Variants in TMCO4 observed in about 807,000 individuals in gnomAD.
TMCO4 encodes the protein transmembrane and coiled-coil domains 4.
A neutral mutation model predicts 64.7 loss-of-function variants in TMCO4; 58 were observed. The observed-to-expected ratio is 0.90, with a 90% confidence interval of 0.73 to 1.12. The LOEUF (loss-of-function observed/expected upper bound fraction) is 1.12. Among genes scored for constraint, TMCO4 ranks in the 50% most tolerant of loss-of-function variants. The pLI, the probability that TMCO4 is intolerant of heterozygous loss-of-function variation, is 0.00. For synonymous variants in TMCO4, 325 were observed against 346.1 expected, an observed-to-expected ratio of 0.94 and a Z score of 0.68; for missense variants, 780 against 825.9, an observed-to-expected ratio of 0.94 and a Z score of 0.68.
At chr1:19,704,660 C>A (rs1271134197) in intron 13 of TMCO4, among the ~76,000 whole-genome samples, 3 of 152,230 alleles carry the variant, frequency 2.0e-5, no homozygotes, top group Non-Finnish European at 4.4e-5. Flanking sequence ...GTCTGCCCTG[C>A]TAAGAGCTGG....
At chr1:19,712,019 A>T (rs936558719) in intron 13 of TMCO4, among the ~76,000 whole-genome samples, 1 of 150,608 alleles carries the variant, frequency 6.6e-6, no homozygotes, top group African/African-American at 2.5e-5. Context: ...CTGGTCTCAC[A>T]CTCCTTGGCT....
intron 14 of TMCO4, among the ~76,000 whole-genome samples, chr1:19,695,040 T>C (rs920754642): frequency 2.6e-5 from 4 of 152,182 alleles, no homozygotes; most frequent in Non-Finnish European, 2.9e-5. Context: ...AGGCGACCTA[T>C]CTGTGAGCTG....
intron 6 of TMCO4, among the ~76,000 whole-genome samples, chr1:19,756,775 T>C (rs1441171257): frequency 6.6e-6 from 1 of 152,152 alleles, no homozygotes; most frequent in East Asian, 1.9e-4. Context: ...GAGGATCACT[T>C]GAGCGCAGGA....
intron 2 of TMCO4, among the ~76,000 whole-genome samples, chr1:19,794,788 T>C (rs1326368759): frequency 1.3e-5 from 2 of 152,174 alleles, no homozygotes; most frequent in African/African-American, 4.8e-5. Flanking sequence ...ATATGATATA[T>C]ACACACAGTG....
intron 15 of TMCO4, among the ~76,000 whole-genome samples, chr1:19,691,953 T>G (rs2095198518): frequency 6.6e-6 from 1 of 152,222 alleles, no homozygotes. Flanking sequence ...TTCTCTGTCT[T>G]GCCTGCTGCC....
intron 15 of TMCO4, among the ~76,000 whole-genome samples, chr1:19,685,497 T>C (rs2095139690): frequency 6.6e-6 from 1 of 152,178 alleles, no homozygotes; most frequent in Non-Finnish European, 1.5e-5. Context: ...GGGGTGTGAT[T>C]GAAATGCCTG....
At chr1:19,762,296 C>T (rs912116184) in intron 6 of TMCO4, among the ~76,000 whole-genome samples, 3 of 152,152 alleles carry the variant, frequency 2.0e-5, no homozygotes, top group Admixed American at 2.0e-4. Flanking sequence ...CACAGGCACA[C>T]CTAAAAGTTA....
At chr1:19,751,148 T>C (rs576286777) in intron 7 of TMCO4, among the ~76,000 whole-genome samples, 2 of 152,304 alleles carry the variant, frequency 1.3e-5, no homozygotes, top group South Asian at 2.1e-4. Flanking sequence ...GCCCTGGGCT[T>C]GGAAACTGGA....
intron 14 of TMCO4, among the ~76,000 whole-genome samples, chr1:19,699,219 A>G (rs528347010): frequency 6.6e-6 from 1 of 151,696 alleles, no homozygotes; most frequent in Non-Finnish European, 1.5e-5. Flanking sequence ...GGCATGTGCT[A>G]TGTGAGTATG....
At chr1:19,789,139 C>T (rs1036638320) in intron 2 of TMCO4, among the ~76,000 whole-genome samples, 2 of 151,544 alleles carry the variant, frequency 1.3e-5, no homozygotes, top group Admixed American at 6.6e-5. Context: ...TAGTGGCTCA[C>T]GCCTGTAATC....
intron 8 of TMCO4, among the ~76,000 whole-genome samples, chr1:19,746,954 G>A (rs189772850): frequency 9.1e-5 from 13 of 142,762 alleles, no homozygotes; most frequent in African/African-American, 3.4e-4. Flanking sequence ...AACGTGGCTT[G>A]ATGAGTTTTT....
chr1:19,788,021 T>A (rs1235990328), intron 2 of TMCO4, among the ~76,000 whole-genome samples: 1 of 152,204 alleles, frequency 6.6e-6, no homozygotes, highest in East Asian at 1.9e-4. Context: ...CCTCCCAAAG[T>A]GCTAGGATTA....
intron 13 of TMCO4, among the ~76,000 whole-genome samples, chr1:19,705,028 G>A (rs548860309): frequency 6.6e-6 from 1 of 152,246 alleles, no homozygotes; most frequent in South Asian, 2.1e-4. Flanking sequence ...GATAAGCTAC[G>A]TGGCAGGCTC....
chr1:19,798,570 C>T (rs1385450725), intron 1 of TMCO4, among the ~76,000 whole-genome samples: 1 of 152,234 alleles, frequency 6.6e-6, no homozygotes, highest in Non-Finnish European at 1.5e-5. Flanking sequence ...ATTTAACTTG[C>T]CTGATCCCAC....
At chr1:19,709,821 T>C (rs2095322339) in intron 13 of TMCO4, among the ~76,000 whole-genome samples, 1 of 151,206 alleles carries the variant, frequency 6.6e-6, no homozygotes, top group Non-Finnish European at 1.5e-5. Flanking sequence ...AGAATCTCGC[T>C]CTTGTTGCCC....
intron 13 of TMCO4, among the ~76,000 whole-genome samples, chr1:19,708,290 C>T (rs911206583): frequency 6.6e-6 from 1 of 151,824 alleles, no homozygotes; most frequent in African/African-American, 2.4e-5. Flanking sequence ...TTGTGAATTG[C>T]TCTTGTCATG....
At chr1:19,717,380 G>C (rs1309494340) in intron 13 of TMCO4, among the ~76,000 whole-genome samples, 7 of 152,132 alleles carry the variant, frequency 4.6e-5, no homozygotes, top group Admixed American at 3.9e-4. Context: ...GCCCTGCACA[G>C]GTCCTGGGAT....
rs138213661 is a variant in TMCO4 at position 19,737,120 on chromosome 1, A to G, written c.1264+252T>C. Among the ~76,000 whole-genome samples the G allele has an allele frequency of 6.8e-3, 1,036 of 152,350 alleles. 21 individuals are homozygous for G. The highest frequency in any genetic ancestry group is 0.023 in the African/African-American group (975 of 41,586). On this transcript the variant is annotated intron_variant, in intron 13 of 15. Transcript: ENST00000294543. ...CCTTCATTCCCACTTGGGAAAGTGC[A>G]TTAGAACACAAAAGCCAGTGTCATT...
At chr1:19,727,507 T>G (rs1409416516) in intron 13 of TMCO4, among the ~76,000 whole-genome samples, 1 of 152,256 alleles carries the variant, frequency 6.6e-6, no homozygotes, top group Non-Finnish European at 1.5e-5. Context: ...CCTAGTCTAG[T>G]GCTTAGCACA....
Sources: gnomAD v4.1 joint callset for allele counts (sites outside exome capture counted in the v4.1 genomes callset) on GRCh38, gnomAD v4.1.1 for gene constraint, MANE v1.5 for transcripts, NCBI Gene and HGNC (gene_info 2026-07-23, HGNC 2026-07-21) for gene names.